DPP3: variants seen among roughly 807,000 people sequenced by gnomAD.
DPP3 encodes the protein DPP III.
Under a neutral mutation model 89.8 loss-of-function variants are expected in DPP3, and 64 were observed. The ratio of observed to expected loss-of-function variants is 0.71; its 90% CI spans 0.58 to 0.88. The LOEUF is 0.88. DPP3 is among the 40% of genes least tolerant of loss of function. The pLI, the probability that DPP3 is intolerant of heterozygous loss-of-function variation, is 0.00. For synonymous variants in DPP3, 377 were observed against 404.3 expected (o/e 0.93, Z 0.81); for missense variants, 835 against 972.5 (o/e 0.86, Z 1.88).
intron 16 of DPP3, among the ~76,000 whole-genome samples, chr11:66,497,727 C>CA (rs890747944): frequency 2.0e-5 from 3 of 151,846 alleles, no homozygotes; most frequent in Non-Finnish European, 2.9e-5. Flanking sequence ...CTCGTCTCTA[C>CA]AAAAAATACA....
At position 66,491,630 on chromosome 11, in the gene DPP3, G is replaced by A. The variant is rs1465982655; in HGVS notation, c.929+6G>A. On this transcript the variant is annotated splice_donor_region_variant and intron_variant, in intron 8 of 17. Transcript: ENST00000531863. Reference sequence around the variant, plus strand: ...AAAGGCCCCATCGTGGAGAGGTGAGGCGCCAGCTCCACCCCACCTGCCCCC... The same window carrying A: ...AAAGGCCCCATCGTGGAGAGGTGAGACGCCAGCTCCACCCCACCTGCCCCC... 5 of 1,611,774 alleles carry A rather than the reference G, an allele frequency of 3.1e-6. No homozygotes were observed. The highest frequency in any genetic ancestry group is 2.2e-5 in the East Asian group (1 of 44,804).
chr11:66,485,298 G>A (rs1431928965), intron 3 of DPP3, 36 bp downstream of exon 3: 2 of 1,593,002 alleles, frequency 1.3e-6, no homozygotes, highest in African/African-American at 2.7e-5. Context: ...GTGGGGATGG[G>A]GGGCTGGTGG....
chr11:66,504,771 G>A lies in DPP3; in HGVS notation c.2038G>A (p.Glu680Lys). The change falls in exon 17 of 18, where the codon GAA becomes AAA. Residue 680 changes from glutamate (E) to lysine (K), a missense_variant. By Grantham distance (56) the Glu-to-Lys change is moderately conservative (BLOSUM62 1). Coordinates refer to ENST00000531863, the MANE Select transcript of DPP3 (RefSeq NM_130443.4). ...CATTGTTCAGCCCAACACTCGCCTTGAAGGTAATGAGGTAATGAGGGAGCT... is the reference window on the plus strand; with the variant it reads ...CATTGTTCAGCCCAACACTCGCCTTAAAGGTAATGAGGTAATGAGGGAGCT... The part of the protein sequence containing the change: ...KLIVQPNTRL[E>K]GSDVQLLEYE... 6.2e-7 allele frequency: 1 copy of A among 1,609,626 alleles called. No homozygotes were observed. The highest frequency in any genetic ancestry group is 1.3e-5 in the African/African-American group (1 of 74,758).
Position 66,487,986 on chromosome 11 carries a change from C to A in DPP3, c.646C>A (p.Leu216Met). The change falls in exon 6 of 18, where the codon CTG becomes ATG. Residue 216 changes from leucine (L) to methionine (M), a missense_variant. Transcript: ENST00000531863. ...AGGGAAGCCCTACTACGAGGTGCGGCTGGCTTCTGTGCTTGGCTCAGGTGA... is the reference window on the plus strand; with the variant it reads ...AGGGAAGCCCTACTACGAGGTGCGGATGGCTTCTGTGCTTGGCTCAGGTGA... ...GEGKPYYEVR[L>M]ASVLGSEPSL... The A allele has an allele frequency of 6.2e-7, 1 of 1,614,098 alleles. No homozygotes were observed. Among genetic ancestry groups the A allele is most frequent in the South Asian group, 1.1e-5 (1 of 91,076 alleles).
At chr11:66,483,211 C>G (rs1166932833) in intron 2 of DPP3, 1 of 151,940 alleles carries the variant, frequency 6.6e-6, no homozygotes, top group African/African-American at 2.4e-5. Context: ...ATTTTTAGTA[C>G]AGGTGGGTTT....
intron 2 of DPP3, chr11:66,483,019 C>CTTTTTTTTTTTTT (rs201088116): frequency 2.1e-5 from 3 of 139,818 alleles, no homozygotes; most frequent in Admixed American, 6.7e-5. Flanking sequence ...CTTTCTCTCT[C>CTTTTTTTTTTTTT]TTTTTTATTT....
At chr11:66,507,506 C>G (rs141567335) in intron 17 of DPP3, among the ~76,000 whole-genome samples, 16 of 151,692 alleles carry the variant, frequency 1.1e-4, no homozygotes, top group Non-Finnish European at 1.8e-4. Context: ...CATAATCATA[C>G]AAGGGAAGTG....
Position 66,491,256 on chromosome 11 carries a change from C to CT in DPP3, c.673dup (p.Ser225PhefsTer5). On this transcript the variant is annotated frameshift_variant, in exon 7 of 18. Coordinates refer to ENST00000531863, the MANE Select transcript of DPP3 (RefSeq NM_130443.4). LOFTEE classifies it high-confidence loss of function. ...GAATGACACCTTCTTTCCCCAGAGC[C>CT]TTCCCTGGACTCTGAGGTGACTTCC... 1 of 1,613,314 alleles carries CT rather than the reference C, an allele frequency of 6.2e-7. No homozygotes were observed. Among genetic ancestry groups the CT allele is most frequent in the Non-Finnish European group, 8.5e-7 (1 of 1,179,912 alleles).
intron 16 of DPP3, among the ~76,000 whole-genome samples, chr11:66,500,485 T>C (rs1302757260): frequency 6.6e-6 from 1 of 152,140 alleles, no homozygotes; most frequent in African/African-American, 2.4e-5. Context: ...TGCTCAACCT[T>C]GTTAGTAATT....
chr11:66,493,072 G>A lies in DPP3; in HGVS notation c.1189G>A (p.Asp397Asn). 6.2e-7 allele frequency: 1 copy of A among 1,614,140 alleles called. No homozygotes were observed. Among genetic ancestry groups the A allele is most frequent in the Non-Finnish European group, 8.5e-7 (1 of 1,180,030 alleles). The part of the protein sequence containing the change: ...PAGINIPNYD[D>N]LRQTEGFKNV... ...TCCTTCTCCACCTTCTCCAGACGATGATCTGAGGCAGACGGAAGGCTTTAA... is the reference window on the plus strand; with the variant it reads ...TCCTTCTCCACCTTCTCCAGACGATAATCTGAGGCAGACGGAAGGCTTTAA... Residue 397 changes from aspartate (D) to asparagine (N), a missense_variant, in exon 11 of 18, where the codon GAT becomes AAT. Coordinates refer to ENST00000531863, the MANE Select transcript of DPP3 (RefSeq NM_130443.4).
In DPP3 at chr11:66,497,310, G is replaced by A. The variant is rs202040748; in HGVS notation, c.1711G>A (p.Ala571Thr). 6.2e-7 allele frequency: 1 copy of A among 1,613,742 alleles called. No homozygotes were observed. The highest frequency in any genetic ancestry group is 8.5e-7 in the Non-Finnish European group (1 of 1,179,966). Residue 571 changes from alanine to threonine, a missense_variant, in exon 16 of 18, where the codon GCC becomes ACC. By Grantham distance (58) the Ala-to-Thr change is moderately conservative. Transcript: ENST00000531863. ...AFNWRQAHMQ[A>T]RFVILRVLLE... ...CCTGCTCCGGCAGGCCCATATGCAGGCCCGGTTTGTGATCCTGAGAGTCTT... is the reference window on the plus strand; with the variant it reads ...CCTGCTCCGGCAGGCCCATATGCAGACCCGGTTTGTGATCCTGAGAGTCTT...
Position 66,482,244 on chromosome 11 carries a change from C to G in DPP3, c.44C>G (p.Ser15Cys), listed in dbSNP as rs200192681. Residue 15 changes from serine to cysteine, a missense_variant, in exon 2 of 18, where the codon TCT becomes TGT. Ser to Cys is a moderately radical substitution (Grantham distance 112, BLOSUM62 -1). Coordinates refer to ENST00000531863, the MANE Select transcript of DPP3 (RefSeq NM_130443.4). The part of the protein sequence containing the change: ...QYILPNDIGV[S>C]SLDCREAFRL... ...ATCCTGCCCAATGACATCGGCGTGT[C>G]TAGCCTGGACTGCCGTGAGGCCTTC... 1.5e-5 allele frequency: 24 copies of G among 1,614,072 alleles called. No individual in the cohort carries two copies. Among genetic ancestry groups the G allele is most frequent in the African/African-American group, 8.0e-5 (6 of 74,938 alleles).
intron 17 of DPP3, among the ~76,000 whole-genome samples, chr11:66,506,315 C>T (rs1394600727): frequency 6.6e-6 from 1 of 151,606 alleles, no homozygotes; most frequent in East Asian, 1.9e-4. Context: ...AGTGCAGTGG[C>T]TCGATCTTGG....
rs186250226 is a variant in DPP3, at chr11:66,506,134, T to C, written c.2041+1360T>C. On this transcript the variant is annotated intron_variant, in intron 17 of 17. Transcript: ENST00000531863. ...CAGCTAATTTTTGTATTTTTTTTAG[T>C]AGAGACGGGGTTTTACTATGTTGGC... 7.2e-5 allele frequency among the ~76,000 whole-genome samples: 11 copies of C among 152,226 alleles called. No individual in the cohort carries two copies. The East Asian group carries it at 2.1e-3, about 29-fold the overall frequency.
intron 15 of DPP3, 111 bp from the exon 16 acceptor site, chr11:66,497,187 G>T: frequency 7.3e-7 from 1 of 1,367,780 alleles, no homozygotes; most frequent in Non-Finnish European, 9.9e-7. Context: ...CCAGTTAATG[G>T]GCAACTGGGA....
Position 66,491,691 on chromosome 11 carries a change from C to T in DPP3, c.930-7C>T, listed in dbSNP as rs776550009. The stretch of plus-strand genomic sequence containing the variant: ...CCCTCCTCCACCTCTGCCCTTCTCT[C>T]CCCCAGTTACATCGGGTTCATCGAG... On this transcript the variant is annotated splice_region_variant and splice_polypyrimidine_tract_variant and intron_variant, in intron 8 of 17. Transcript: ENST00000531863. 4 of 1,613,158 alleles carry T rather than the reference C, an allele frequency of 2.5e-6. No individual in the cohort carries two copies. Among genetic ancestry groups the T allele is most frequent in the East Asian group, 2.2e-5 (1 of 44,826 alleles).
Position 66,485,171 on chromosome 11 carries a change from A to C in DPP3, c.271-2A>C. ...GGTCTCTGATGCCTGCCTCCCCCTCAGGCGTTCCTGGTCTATGCCGCGGGT... is the reference window on the plus strand; with the variant it reads ...GGTCTCTGATGCCTGCCTCCCCCTCCGGCGTTCCTGGTCTATGCCGCGGGT... On this transcript the variant is annotated splice_acceptor_variant, in intron 2 of 17. Coordinates refer to ENST00000531863, the MANE Select transcript of DPP3 (RefSeq NM_130443.4). LOFTEE classifies it high-confidence loss of function. 1 of 1,614,098 alleles carries C rather than the reference A, an allele frequency of 6.2e-7. No homozygotes were observed. Among genetic ancestry groups the C allele is most frequent in the African/African-American group, 1.3e-5 (1 of 75,042 alleles).
intron 1 of DPP3, among the ~76,000 whole-genome samples, chr11:66,481,572 A>G (rs1265809740): frequency 2.0e-5 from 3 of 152,082 alleles, no homozygotes; most frequent in South Asian, 2.1e-4. Context: ...TGATGTCTCC[A>G]TTGTGGGATT....
chr11:66,488,087 C>G (rs1000388080), intron 6 of DPP3, 80 bp downstream of exon 6: 23 of 1,226,462 alleles, frequency 1.9e-5, no homozygotes, highest in Middle Eastern at 2.0e-4. Context: ...ACCAACTCTG[C>G]CACTCCTTCA....
Sources: allele counts gnomAD v4.1 joint callset (sites outside exome capture counted in the v4.1 genomes callset), GRCh38; gene constraint gnomAD v4.1.1; transcripts MANE v1.5; gene names NCBI Gene and HGNC (gene_info 2026-07-23, HGNC 2026-07-21).